MPPED2: variants seen among roughly 807,000 people sequenced by gnomAD.
MPPED2 encodes the protein metallophosphoesterase domain containing 2.
Under a neutral mutation model 33.0 loss-of-function variants are expected in MPPED2, and 5 were observed. The ratio of observed to expected loss-of-function variants is 0.15; its 90% CI spans 0.08 to 0.32. MPPED2 has a LOEUF of 0.32. MPPED2 is among the 10% of genes least tolerant of loss of function. The pLI is 1.00. For missense variants in MPPED2, 275 were observed against 372.1 expected, an observed-to-expected ratio of 0.74 and a Z score of 2.15; for synonymous variants, 136 against 141.9, an observed-to-expected ratio of 0.96 and a Z score of 0.29.
At chr11:30,552,581 C>T (rs2134639033) in intron 2 of MPPED2, among the ~76,000 whole-genome samples, 1 of 152,194 alleles carries the variant, frequency 6.6e-6, no homozygotes, top group Admixed American at 6.5e-5. Flanking sequence ...CTCTTTCTTT[C>T]TGTTTTTGTT....
chr11:30,421,320 T>C (rs1948600813), intron 4 of MPPED2, among the ~76,000 whole-genome samples: 1 of 152,176 alleles, frequency 6.6e-6, no homozygotes. Context: ...AAACCTATGG[T>C]CTATATTTAT....
chr11:30,446,480 GA>G lies in MPPED2; in HGVS notation c.537-28848del, dbSNP rs113580089. Reference sequence around the variant, plus strand: ...ATAATAAATTAACTCACTCCAAAGGGAAAAAAAAAACAATACAAGTAAGCAG... The same window carrying G: ...ATAATAAATTAACTCACTCCAAAGGGAAAAAAAAACAATACAAGTAAGCAG... On this transcript the variant is annotated intron_variant, in intron 4 of 6. Coordinates refer to ENST00000358117, the MANE Select transcript of MPPED2 (RefSeq NM_001584.3). Among the ~76,000 whole-genome samples the G allele has an allele frequency of 2.5e-3, 363 of 147,930 alleles. 1 individual carries two copies. Among genetic ancestry groups the G allele is most frequent in the African/African-American group, 8.3e-3 (336 of 40,404 alleles).
At chr11:30,386,670 T>C (rs578093165) in exon 7 of MPPED2, 369 of 398,536 alleles carry the variant, frequency 9.3e-4, no homozygotes, top group African/African-American at 6.9e-3. Flanking sequence ...AATAAATGAA[T>C]GAACAGAACT....
intron 4 of MPPED2, among the ~76,000 whole-genome samples, chr11:30,494,655 TCGAAC>T (rs1234925830): frequency 7.1e-6 from 1 of 140,308 alleles, no homozygotes; most frequent in Non-Finnish European, 1.5e-5. Flanking sequence ...GGAGAATTGC[TCGAAC>T]CCAGGAGGCG....
chr11:30,425,180 T>G (rs2133811948), intron 4 of MPPED2, among the ~76,000 whole-genome samples: 1 of 152,268 alleles, frequency 6.6e-6, no homozygotes, highest in African/African-American at 2.4e-5. Flanking sequence ...CTGAGCCCCA[T>G]GAGCTACTCA....
intron 4 of MPPED2, among the ~76,000 whole-genome samples, chr11:30,448,181 G>C (rs1565077211): frequency 6.6e-6 from 1 of 152,154 alleles, no homozygotes; most frequent in Admixed American, 6.5e-5. Context: ...GAGGGGAAAG[G>C]GTTTGCAATG....
chr11:30,503,677 G>T (rs1322598862), intron 3 of MPPED2, among the ~76,000 whole-genome samples: 1 of 152,148 alleles, frequency 6.6e-6, no homozygotes, highest in Non-Finnish European at 1.5e-5. Context: ...AGAAAACCTA[G>T]TTCCATAAAG....
chr11:30,472,253 TG>T (rs1950981469), intron 4 of MPPED2, among the ~76,000 whole-genome samples: 1 of 151,952 alleles, frequency 6.6e-6, no homozygotes, highest in Admixed American at 6.6e-5. Flanking sequence ...CTCAACTACT[TG>T]GGGGTCTGAG....
chr11:30,546,778 G>A (rs1000107496), intron 2 of MPPED2, among the ~76,000 whole-genome samples: 4 of 152,110 alleles, frequency 2.6e-5, no homozygotes, highest in Admixed American at 2.6e-4. Context: ...GAAGACAAAT[G>A]CTTATTTGTA....
At chr11:30,572,907 C>G (rs999566353) in intron 2 of MPPED2, among the ~76,000 whole-genome samples, 1 of 152,098 alleles carries the variant, frequency 6.6e-6, no homozygotes, top group Admixed American at 6.6e-5. Context: ...GGAGAAATCC[C>G]AGACTGTTAA....
At position 30,520,905 on chromosome 11, in the gene MPPED2, GC is replaced by G. The variant is rs542123346; in HGVS notation, c.310+15088del. On this transcript the variant is annotated intron_variant, in intron 3 of 6. Transcript: ENST00000358117. ...CATTCACCGAGTATGTACCCACCAG[GC>G]CCAGGGGACTCCTCTTTACACTTTG... Among the ~76,000 whole-genome samples the G allele has an allele frequency of 2.1e-4, 32 of 152,098 alleles. 1 individual carries two copies. The South Asian group carries it at 6.7e-3, about 32-fold the overall frequency.
At chr11:30,477,917 G>A (rs1401936793) in intron 4 of MPPED2, among the ~76,000 whole-genome samples, 1 of 151,868 alleles carries the variant, frequency 6.6e-6, no homozygotes, top group Non-Finnish European at 1.5e-5. Flanking sequence ...CAAAGAATTT[G>A]GTGTTTCTCT....
At chr11:30,523,960 A>G (rs1256081989) in intron 3 of MPPED2, among the ~76,000 whole-genome samples, 2 of 152,126 alleles carry the variant, frequency 1.3e-5, no homozygotes, top group Non-Finnish European at 1.5e-5. Context: ...TCAAGAAGAG[A>G]GAACAAGGGG....
At chr11:30,522,383 AACATAC>A (rs548867021) in intron 3 of MPPED2, among the ~76,000 whole-genome samples, 4,828 of 87,544 alleles carry the variant, frequency 0.055, 102 homozygotes, top group Non-Finnish European at 0.074. Flanking sequence ...GCTTCAGGAA[AACATAC>A]ACACACACAC....
intron 4 of MPPED2, among the ~76,000 whole-genome samples, chr11:30,442,742 A>T (rs574255016): frequency 6.6e-6 from 1 of 152,248 alleles, no homozygotes; most frequent in East Asian, 1.9e-4. Flanking sequence ...AGGCACGGTG[A>T]CTCACACCTA....
rs1326952067 is a variant in MPPED2, at chr11:30,411,005, C to T, written c.*463G>A. ...TTGCTATAAATTGGGACCACATCTG[C>T]AAAAAAGAAGCATTACCAAGAAAAC... is the stretch of plus-strand genomic sequence containing the variant. On this transcript the variant is annotated 3_prime_UTR_variant, in exon 7 of 7. Transcript: ENST00000358117. 4.1e-6 allele frequency: 4 copies of T among 985,324 alleles called. No homozygotes were observed. The African/African-American group carries it at 7.0e-5, about 17-fold the overall frequency. The allele number at this position is 985,324 out of a possible 1,614,324, so 61.0% of individuals were successfully genotyped here.
Position 30,527,366 on chromosome 11 carries a change from G to T in MPPED2, c.310+8628C>A, listed in dbSNP as rs1361162981. On this transcript the variant is annotated intron_variant, in intron 3 of 6. Transcript: ENST00000358117. ...CTGGAAAGTATTATGTGAAAGAGTT[G>T]TTTTTTTTTTTTTTAATTAAAAACT... Among the ~76,000 whole-genome samples the T allele has an allele frequency of 2.1e-4, 30 of 142,736 alleles. 1 individual carries two copies. The East Asian group carries it at 2.2e-3, about 11-fold the overall frequency. 93.6% of individuals were successfully genotyped at this position (142,736 alleles called of 152,430 possible). A position where few individuals can be genotyped will look rare whatever the true frequency, so the allele number is the denominator to read the frequency against.
chr11:30,513,408 A>G (rs971815752), intron 3 of MPPED2, among the ~76,000 whole-genome samples: 9 of 152,230 alleles, frequency 5.9e-5, no homozygotes, highest in African/African-American at 2.2e-4. Flanking sequence ...GTGGGCTCAG[A>G]TATCAACCAA....
intron 6 of MPPED2, among the ~76,000 whole-genome samples, chr11:30,399,790 A>G (rs747615536): frequency 6.6e-6 from 1 of 152,250 alleles, no homozygotes; most frequent in African/African-American, 2.4e-5. Flanking sequence ...TAAACAGAAT[A>G]GATAAAACAT....
Sources: gnomAD v4.1 joint callset for allele counts (sites outside exome capture counted in the v4.1 genomes callset) on GRCh38, gnomAD v4.1.1 for gene constraint, MANE v1.5 for transcripts, NCBI Gene and HGNC (gene_info 2026-07-23, HGNC 2026-07-21) for gene names.